Variants in HTD2 observed in about 807,000 individuals in gnomAD.
HTD2 encodes hydroxyacyl-thioester dehydratase type 2, mitochondrial.
In HTD2, 1 loss-of-function variant was observed where a neutral mutation model predicts 3.1. The observed-to-expected ratio is 0.32, with a 90% CI of 0.11 to 1.52. The LOEUF (loss-of-function observed/expected upper bound fraction) is 1.52. Ranked by LOEUF, HTD2 falls within the 40% of genes most tolerant of loss-of-function variation. The pLI is 0.39. For missense variants in HTD2, 150 were observed against 79.6 expected (o/e 1.88, Z -3.36); for synonymous variants, 50 against 28.9 (o/e 1.73, Z -2.34).
chr3:58,316,769 C>G (rs1246758755), intron 3 of HTD2, 146 bp from the exon 4 acceptor site: 5 of 868,658 alleles, frequency 5.8e-6, no homozygotes, highest in Admixed American at 5.0e-5. Context: ...CTAGAGAGGG[C>G]AAAACTTACG....
intron 1 of HTD2, among the ~76,000 whole-genome samples, chr3:58,307,339 C>T (rs928053625): frequency 2.0e-5 from 3 of 152,134 alleles, no homozygotes; most frequent in African/African-American, 2.4e-5. Context: ...ACTCACTGGC[C>T]GCCGTAGGGA....
At chr3:58,309,223 T>C (rs562628149) in intron 1 of HTD2, among the ~76,000 whole-genome samples, 1 of 152,324 alleles carries the variant, frequency 6.6e-6, no homozygotes, top group South Asian at 2.1e-4. Flanking sequence ...ATTTTACTCC[T>C]TTATGTCTTT....
intron 1 of HTD2, among the ~76,000 whole-genome samples, chr3:58,307,185 G>C (rs566594569): frequency 2.6e-5 from 4 of 152,350 alleles, no homozygotes; most frequent in African/African-American, 9.6e-5. Flanking sequence ...AGGACATGAA[G>C]TCAGAGGTGT....
chr3:58,313,720 G>A (rs1232449956), intron 2 of HTD2, among the ~76,000 whole-genome samples: 1 of 152,234 alleles, frequency 6.6e-6, no homozygotes, highest in Non-Finnish European at 1.5e-5. Context: ...AACTAGTCAG[G>A]AGGCTGAGGT....
At chr3:58,314,459 T>C (rs76058849) in intron 2 of HTD2, among the ~76,000 whole-genome samples, 6,958 of 152,232 alleles carry the variant, frequency 0.046, 555 homozygotes, top group African/African-American at 0.16. Flanking sequence ...AGAGAATGTG[T>C]GGTTGGCAAA....
chr3:58,308,900 T>C (rs1473132328), intron 1 of HTD2, among the ~76,000 whole-genome samples: 1 of 152,220 alleles, frequency 6.6e-6, no homozygotes, highest in Non-Finnish European at 1.5e-5. Flanking sequence ...GAATAGGACC[T>C]ATCCAGAGGG....
rs758708614 is a variant in HTD2 at position 58,317,591 on chromosome 3, G to A, written c.-23G>A. On this transcript the variant is annotated 5_prime_UTR_variant, in exon 5 of 5. Coordinates refer to ENST00000461393, the MANE Select transcript of HTD2 (RefSeq NM_001348712.2). The stretch of plus-strand genomic sequence containing the variant: ...AGACTGAAGCAGGCTAAAAGCTCTT[G>A]ATGAAATTTGAGGGTGCTGAAGATG... 3 of 875,550 alleles carry A rather than the reference G, an allele frequency of 3.4e-6. No homozygotes were observed. The highest frequency in any genetic ancestry group is 5.6e-6 in the Non-Finnish European group (3 of 532,448). The allele number at this position is 875,550 out of a possible 1,614,324, so 54.2% of individuals were successfully genotyped here. A position where few individuals can be genotyped will look rare whatever the true frequency, so the allele number is the denominator to read the frequency against.
chr3:58,316,725 G>A (rs2097488642), intron 3 of HTD2, 134 bp downstream of exon 3: 1 of 906,280 alleles, frequency 1.1e-6, no homozygotes, highest in South Asian at 1.5e-5. Context: ...AAACTGGGAT[G>A]AATATGAACA....
rs2097488475 is a variant in HTD2, at chr3:58,316,556, G to C, written c.-289G>C. On this transcript the variant is annotated 5_prime_UTR_variant, in exon 3 of 5. Transcript: ENST00000461393. ...CTTTGGACATCCTAACCTATGAAGAGAAGACCTTGTCAGCCATCTTGAGAA... is the reference window on the plus strand; with the variant it reads ...CTTTGGACATCCTAACCTATGAAGACAAGACCTTGTCAGCCATCTTGAGAA... The C allele has an allele frequency of 6.2e-7, 1 of 1,614,120 alleles. No homozygotes were observed. Among genetic ancestry groups the C allele is most frequent in the Non-Finnish European group, 8.5e-7 (1 of 1,179,986 alleles).
rs1329487898 is a variant in HTD2 at position 58,320,190 on chromosome 3, C to T, written c.*2070C>T. 2.0e-5 allele frequency: 3 copies of T among 151,950 alleles called. No homozygotes were observed. The highest frequency in any genetic ancestry group is 2.9e-5 in the Non-Finnish European group (2 of 68,000). The allele number at this position is 151,950 out of a possible 1,614,324, so 9.4% of individuals were successfully genotyped here. A position where few individuals can be genotyped will look rare whatever the true frequency, so the allele number is the denominator to read the frequency against. Reference sequence around the variant, plus strand: ...TGAATAATATTCCATTGTATTTACCCATACATCAGTTGATATTTGGATTAT... The same window carrying T: ...TGAATAATATTCCATTGTATTTACCTATACATCAGTTGATATTTGGATTAT... On this transcript the variant is annotated 3_prime_UTR_variant, in exon 5 of 5. Coordinates refer to ENST00000461393, the MANE Select transcript of HTD2 (RefSeq NM_001348712.2).
rs929675021 is a variant in HTD2 at position 58,319,273 on chromosome 3, T to C, written c.*1153T>C. ...GTCTACCTTCAGTGAGACTTGCGTT[T>C]CAGGGGAGGGGCGTATGTGCATCCT... On this transcript the variant is annotated 3_prime_UTR_variant, in exon 5 of 5. Transcript: ENST00000461393. 4 of 152,234 alleles carry C rather than the reference T, an allele frequency of 2.6e-5. No individual in the cohort carries two copies. In the East Asian group the frequency reaches 7.7e-4, roughly 29 times the overall value. 9.4% of individuals were successfully genotyped at this position (152,234 alleles called of 1,614,324 possible).
chr3:58,315,055 C>A (rs1559795175), intron 2 of HTD2, among the ~76,000 whole-genome samples: 1 of 152,084 alleles, frequency 6.6e-6, no homozygotes, highest in African/African-American at 2.4e-5. Flanking sequence ...GGCATCTGTT[C>A]CAGAGGACTG....
intron 2 of HTD2, 94 bp downstream of exon 2, chr3:58,310,685 C>T: frequency 2.9e-6 from 3 of 1,041,338 alleles, no homozygotes; most frequent in Non-Finnish European, 2.9e-6. Flanking sequence ...GTAATCCCAG[C>T]ACTTTGGAGG....
chr3:58,316,711 AT>A, intron 3 of HTD2, 120 bp downstream of exon 3: 1 of 989,856 alleles, frequency 1.0e-6, no homozygotes, highest in East Asian at 2.5e-5. Flanking sequence ...GCTTTTGGGA[AT>A]TTAAACTGGG....
In HTD2 at chr3:58,318,237, G is replaced by A; in HGVS notation, c.*117G>A. On this transcript the variant is annotated 3_prime_UTR_variant, in exon 5 of 5. Coordinates refer to ENST00000461393, the MANE Select transcript of HTD2 (RefSeq NM_001348712.2). ...AGGCCCAGAAGCCCATCTTAGTTAGGGGAAGGGAGCAGGAAGAGGGTTGTT... is the reference window on the plus strand; with the variant it reads ...AGGCCCAGAAGCCCATCTTAGTTAGAGGAAGGGAGCAGGAAGAGGGTTGTT... 5 of 581,452 alleles carry A rather than the reference G, an allele frequency of 8.6e-6. No homozygotes were observed. Among genetic ancestry groups the A allele is most frequent in the Middle Eastern group, 4.4e-4 (1 of 2,248 alleles). The allele number at this position is 581,452 out of a possible 1,614,324, so 36.0% of individuals were successfully genotyped here.
intron 1 of HTD2, among the ~76,000 whole-genome samples, chr3:58,309,148 C>G (rs1224064119): frequency 1.3e-5 from 2 of 152,176 alleles, no homozygotes; most frequent in African/African-American, 4.8e-5. Flanking sequence ...ACGACCATCC[C>G]TCATTCTTCT....
intron 1 of HTD2, among the ~76,000 whole-genome samples, chr3:58,307,113 C>T (rs73835147): frequency 0.046 from 6,923 of 152,034 alleles, 559 homozygotes; most frequent in African/African-American, 0.16. Context: ...GCGAGACTGG[C>T]GCGTGAGAAA....
intron 2 of HTD2, among the ~76,000 whole-genome samples, chr3:58,315,537 A>G (rs576226375): frequency 2.8e-4 from 43 of 152,342 alleles, no homozygotes; most frequent in African/African-American, 6.3e-4. Flanking sequence ...TAGACATACA[A>G]TTGGTAAAAT....
At chr3:58,310,090 C>T (rs1356855354) in intron 1 of HTD2, 2 of 519,372 alleles carry the variant, frequency 3.9e-6, no homozygotes, top group Non-Finnish European at 6.9e-6. Flanking sequence ...CTCCCAGCTA[C>T]TCAGGAGTCT....
Sources: allele counts gnomAD v4.1 joint callset (sites outside exome capture counted in the v4.1 genomes callset), GRCh38; gene constraint gnomAD v4.1.1; transcripts MANE v1.5; gene names NCBI Gene and HGNC (gene_info 2026-07-23, HGNC 2026-07-21).